The following PTK2B variants were observed in gnomAD, a reference collection of about 807,000 sequenced individuals.
The protein encoded by PTK2B is protein tyrosine kinase 2 beta.
A neutral mutation model predicts 142.9 loss-of-function variants in PTK2B; 71 were observed. The observed-to-expected ratio is 0.50, with a 90% CI of 0.41 to 0.61. The LOEUF is 0.61. Among genes scored for constraint, PTK2B ranks in the 20% least tolerant of loss-of-function variants. The pLI is 0.00. For synonymous variants in PTK2B, 519 were observed against 503.4 expected (o/e 1.03, Z -0.42); for missense variants, 1,105 against 1,320.4 (o/e 0.84, Z 2.53).
chr8:27,448,670 C>G (rs1030144044), intron 24 of PTK2B, among the ~76,000 whole-genome samples: 2 of 152,248 alleles, frequency 1.3e-5, no homozygotes, highest in African/African-American at 4.8e-5. Context: ...ACTTACCATA[C>G]TCTTCCTTAA....
chr8:27,384,012 C>A (rs574470819), intron 1 of PTK2B, among the ~76,000 whole-genome samples: 1 of 152,088 alleles, frequency 6.6e-6, no homozygotes, highest in South Asian at 2.1e-4. Flanking sequence ...CCATGCCCAG[C>A]TAATTTTTTG....
At chr8:27,421,783 A>G (rs919392152) in intron 4 of PTK2B, among the ~76,000 whole-genome samples, 4 of 152,186 alleles carry the variant, frequency 2.6e-5, no homozygotes, top group African/African-American at 9.7e-5. Context: ...GAGCATCTCA[A>G]ACTTCCTGGA....
At chr8:27,387,733 C>G (rs1387784816) in intron 1 of PTK2B, among the ~76,000 whole-genome samples, 2 of 152,106 alleles carry the variant, frequency 1.3e-5, no homozygotes, top group Non-Finnish European at 2.9e-5. Context: ...TAGTGACTAA[C>G]AGTGAATTTA....
At chr8:27,391,277 A>G (rs1476116178) in intron 1 of PTK2B, among the ~76,000 whole-genome samples, 1 of 151,996 alleles carries the variant, frequency 6.6e-6, no homozygotes, top group Non-Finnish European at 1.5e-5. Context: ...TTGTATTTTT[A>G]GTAGAGAAGG....
intron 2 of PTK2B, among the ~76,000 whole-genome samples, chr8:27,409,700 C>T (rs944108729): frequency 6.6e-6 from 1 of 152,160 alleles, no homozygotes; most frequent in African/African-American, 2.4e-5. Flanking sequence ...CAGAGTGACA[C>T]CTTCTTAAAT....
chr8:27,373,750 T>A (rs555414935), intron 1 of PTK2B, among the ~76,000 whole-genome samples: 1 of 152,016 alleles, frequency 6.6e-6, no homozygotes, highest in South Asian at 2.1e-4. Flanking sequence ...CCAGCAGTGG[T>A]CATATGGAGG....
Position 27,435,773 on chromosome 8 carries a change from A to C in PTK2B, c.1223A>C (p.Glu408Ala). The C allele has an allele frequency of 6.2e-7, 1 of 1,614,158 alleles. No homozygotes were observed. Among genetic ancestry groups the C allele is most frequent in the Non-Finnish European group, 8.5e-7 (1 of 1,180,038 alleles). The change falls in exon 14 of 31, where the codon GAA becomes GCA. Residue 408 changes from glutamate to alanine, a missense_variant. Physicochemically the swap from Glu to Ala is moderately radical, Grantham distance 107. Transcript: ENST00000346049. ...GACATCTACGCAGAGATTCCCGACG[A>C]AACCCTGCGAAGGCCCGGAGGTAGG... ...ESDIYAEIPDETLRRPGGPQY... is the reference protein window; with the variant it reads ...ESDIYAEIPDATLRRPGGPQY...
At position 27,442,906 on chromosome 8, in the gene PTK2B, A is replaced by G. The variant is rs758654235; in HGVS notation, c.2071A>G (p.Met691Val). ...DVYQMEKDIAMEQERNARYRT... is the reference protein window; with the variant it reads ...DVYQMEKDIAVEQERNARYRT... ...TTATCAGATGGAGAAGGACATTGCC[A>G]TGGAGCAAGAGAGGAATGCTCGCTA... The change falls in exon 22 of 31, where the codon ATG (methionine) becomes GTG (valine). Residue 691 changes from methionine to valine, a missense_variant. Transcript: ENST00000346049. 1.5e-5 allele frequency: 24 copies of G among 1,614,038 alleles called. No homozygotes were observed. Among genetic ancestry groups the G allele is most frequent in the Non-Finnish European group, 1.9e-5 (22 of 1,180,006 alleles).
At chr8:27,380,837 G>A (rs1351772368) in intron 1 of PTK2B, 2 of 152,196 alleles carry the variant, frequency 1.3e-5, no homozygotes, top group South Asian at 2.1e-4. Flanking sequence ...TGAGGGCCAA[G>A]CCAGCCATTC....
intron 28 of PTK2B, 192 bp from the exon 29 acceptor site, chr8:27,453,962 C>G: frequency 1.5e-6 from 1 of 674,358 alleles, no homozygotes; most frequent in Non-Finnish European, 2.4e-6. Context: ...TCCGTTAAGG[C>G]TCCCTGGCTG....
intron 1 of PTK2B, among the ~76,000 whole-genome samples, chr8:27,366,950 T>A (rs964921154): frequency 2.0e-5 from 3 of 151,964 alleles, no homozygotes; most frequent in Non-Finnish European, 2.9e-5. Context: ...CTGAGTGTGG[T>A]GGCTCGGCTG....
chr8:27,333,284 A>C (rs898534629), intron 1 of PTK2B, among the ~76,000 whole-genome samples: 7 of 152,166 alleles, frequency 4.6e-5, no homozygotes, highest in African/African-American at 1.4e-4. Context: ...TTGGACAGGG[A>C]GGCCAATGTG....
At chr8:27,448,694 C>T (rs1811626852) in intron 24 of PTK2B, among the ~76,000 whole-genome samples, 1 of 152,232 alleles carries the variant, frequency 6.6e-6, no homozygotes, top group South Asian at 2.1e-4. Context: ...ATACATTTTT[C>T]TCACATCCAG....
At chr8:27,334,131 T>C (rs1461620447) in intron 1 of PTK2B, among the ~76,000 whole-genome samples, 1 of 151,988 alleles carries the variant, frequency 6.6e-6, no homozygotes, top group Non-Finnish European at 1.5e-5. Flanking sequence ...ATGCCTTTCA[T>C]TCCTTCCTTC....
intron 3 of PTK2B, among the ~76,000 whole-genome samples, chr8:27,313,824 T>C (rs1053658808): frequency 1.3e-5 from 2 of 152,214 alleles, no homozygotes; most frequent in African/African-American, 4.8e-5. Flanking sequence ...GTTTGGGAAA[T>C]TGCCTATGCC....
chr8:27,345,029 G>T (rs1214430171), intron 1 of PTK2B, among the ~76,000 whole-genome samples: 1 of 152,160 alleles, frequency 6.6e-6, no homozygotes, highest in East Asian at 1.9e-4. Context: ...CAGACATGGT[G>T]GTGGGCACCT....
At chr8:27,407,536 C>A (rs1808797869) in intron 2 of PTK2B, among the ~76,000 whole-genome samples, 1 of 152,174 alleles carries the variant, frequency 6.6e-6, no homozygotes, top group East Asian at 1.9e-4. Context: ...GGCCTCAGAT[C>A]CCTTTCTTCA....
chr8:27,321,216 G>T (rs1339475806), upstream of PTK2B, among the ~76,000 whole-genome samples: 1 of 151,546 alleles, frequency 6.6e-6, no homozygotes, highest in African/African-American at 2.4e-5. Context: ...GGCTGGCCTC[G>T]AACTCTTGGC....
At chr8:27,415,368 C>T (rs1809338048) in intron 2 of PTK2B, among the ~76,000 whole-genome samples, 1 of 152,168 alleles carries the variant, frequency 6.6e-6, no homozygotes, top group Non-Finnish European at 1.5e-5. Context: ...CTCTGCTCCC[C>T]AACCCTCTCC....
Sources: allele counts gnomAD v4.1 joint callset (sites outside exome capture counted in the v4.1 genomes callset), GRCh38; gene constraint gnomAD v4.1.1; transcripts MANE v1.5; gene names NCBI Gene and HGNC (gene_info 2026-07-23, HGNC 2026-07-21).